The following TUSC3 variants were observed in gnomAD, a reference collection of about 807,000 sequenced individuals.
TUSC3 encodes tumor suppressor candidate 3.
A neutral mutation model predicts 44.8 loss-of-function variants in TUSC3; 45 were observed. The observed-to-expected ratio is 1.00, with a 90% CI of 0.79 to 1.29. The LOEUF is 1.29. TUSC3 is among the 50% of genes most tolerant of loss of function. TUSC3 has a pLI of 0.00. For missense variants in TUSC3, 519 were observed against 437.9 expected, an observed-to-expected ratio of 1.19 and a Z score of -1.65; for synonymous variants, 212 against 152.9, an observed-to-expected ratio of 1.39 and a Z score of -2.85.
At chr8:15,820,014 G>A in the TUSC3 span, among the ~76,000 whole-genome samples, 2 of 151,978 alleles carry the variant, frequency 1.3e-5, no homozygotes, top group African/African-American at 2.4e-5. Context: ...TTTCTTATAC[G>A]TACTTTATCA....
At chr8:15,636,114 G>A (rs532048913) in intron 2 of TUSC3, among the ~76,000 whole-genome samples, 1 of 152,196 alleles carries the variant, frequency 6.6e-6, no homozygotes, top group South Asian at 2.1e-4. Context: ...CTTGAGTTCT[G>A]CCCACTGAGC....
intron 1 of TUSC3, among the ~76,000 whole-genome samples, chr8:15,474,181 A>G (rs1045783877): frequency 6.6e-6 from 1 of 152,152 alleles, no homozygotes; most frequent in Admixed American, 6.5e-5. Flanking sequence ...CCGACCTCAC[A>G]GGCAGTCAGA....
chr8:15,770,101 T>A (rs969796932), downstream of TUSC3, among the ~76,000 whole-genome samples: 1 of 152,046 alleles, frequency 6.6e-6, no homozygotes, highest in African/African-American at 2.4e-5. Flanking sequence ...CTACTTTAGA[T>A]ACATGCACAT....
chr8:15,544,799 C>T (rs145106553), intron 1 of TUSC3, among the ~76,000 whole-genome samples: 4 of 151,804 alleles, frequency 2.6e-5, no homozygotes, highest in Non-Finnish European at 4.4e-5. Flanking sequence ...CGCATATATG[C>T]ACAGAATATA....
At chr8:15,562,610 T>C (rs547697397) in intron 1 of TUSC3, among the ~76,000 whole-genome samples, 1 of 152,142 alleles carries the variant, frequency 6.6e-6, no homozygotes, top group Non-Finnish European at 1.5e-5. Flanking sequence ...GGTTGCGTTC[T>C]TTTCTGAATC....
intron 1 of TUSC3, among the ~76,000 whole-genome samples, chr8:15,479,811 C>T (rs528945766): frequency 1.3e-5 from 2 of 152,216 alleles, no homozygotes; most frequent in South Asian, 4.1e-4. Flanking sequence ...GCCTATCATG[C>T]AAGAGAAAGA....
chr8:15,839,397 G>A, the TUSC3 span, among the ~76,000 whole-genome samples: 2 of 152,102 alleles, frequency 1.3e-5, no homozygotes. Flanking sequence ...ACACTATGTT[G>A]GATAGAAGTG....
intron 9 of TUSC3, among the ~76,000 whole-genome samples, chr8:15,753,667 G>A (rs1228329893): frequency 5.3e-5 from 8 of 151,670 alleles, no homozygotes; most frequent in African/African-American, 1.5e-4. Context: ...ATAAGCTTTC[G>A]TTTTCTTCTC....
intron 1 of TUSC3, among the ~76,000 whole-genome samples, chr8:15,478,406 A>C (rs567167331): frequency 6.6e-6 from 1 of 152,142 alleles, no homozygotes; most frequent in East Asian, 1.9e-4. Context: ...TGCATTAGCT[A>C]TTTATCCTGG....
chr8:15,780,399 C>G, the TUSC3 span, among the ~76,000 whole-genome samples: 1 of 152,108 alleles, frequency 6.6e-6, no homozygotes, highest in Non-Finnish European at 1.5e-5. Flanking sequence ...GCTCTTGATT[C>G]ATCAACTTGG....
chr8:15,724,458 C>T (rs1386324253), intron 6 of TUSC3, among the ~76,000 whole-genome samples: 1 of 152,062 alleles, frequency 6.6e-6, no homozygotes, highest in Non-Finnish European at 1.5e-5. Context: ...GAGATAGGTT[C>T]GTTTAAAAAC....
At chr8:15,746,832 T>C (rs918148329) in intron 8 of TUSC3, among the ~76,000 whole-genome samples, 5 of 152,076 alleles carry the variant, frequency 3.3e-5, no homozygotes, top group African/African-American at 9.7e-5. Context: ...TTGTAATTAA[T>C]TATAGGTTTT....
chr8:15,740,894 A>G (rs919052519), intron 7 of TUSC3, among the ~76,000 whole-genome samples: 1 of 152,212 alleles, frequency 6.6e-6, no homozygotes, highest in Non-Finnish European at 1.5e-5. Flanking sequence ...TCAGTAAGAT[A>G]AAGCAATAAA....
chr8:15,505,045 A>T (rs1401891415), intron 2 of TUSC3, among the ~76,000 whole-genome samples: 1 of 152,174 alleles, frequency 6.6e-6, no homozygotes, highest in African/African-American at 2.4e-5. Flanking sequence ...TAATAAAAAT[A>T]TTGCTGCCAA....
intron 1 of TUSC3, among the ~76,000 whole-genome samples, chr8:15,596,194 G>C (rs2129152610): frequency 6.6e-6 from 1 of 152,244 alleles, no homozygotes; most frequent in Admixed American, 6.5e-5. Context: ...CTATAATAAT[G>C]ATATGACGTT....
intron 6 of TUSC3, among the ~76,000 whole-genome samples, chr8:15,700,955 G>C (rs937019485): frequency 6.8e-6 from 1 of 147,308 alleles, no homozygotes; most frequent in African/African-American, 2.5e-5. Context: ...GTGTTAGTCC[G>C]GAGGTCCCTA....
chr8:15,582,057 C>T (rs565910350), intron 1 of TUSC3, among the ~76,000 whole-genome samples: 1 of 152,056 alleles, frequency 6.6e-6, no homozygotes, highest in African/African-American at 2.4e-5. Context: ...ATTCGGGTGG[C>T]AGTGACCCGA....
chr8:15,678,073 G>C (rs548411656), intron 6 of TUSC3, among the ~76,000 whole-genome samples: 1 of 152,196 alleles, frequency 6.6e-6, no homozygotes, highest in African/African-American at 2.4e-5. Context: ...TCAGTATTGT[G>C]AGCCACTGAA....
Position 15,653,457 on chromosome 8 carries a change from G to A in TUSC3, c.426+2643G>A, listed in dbSNP as rs546971799. ...TGGTATATAATCATATAAATAAATGGTTACATATAATCATTAAATTCTTTT... is the reference window on the plus strand; with the variant it reads ...TGGTATATAATCATATAAATAAATGATTACATATAATCATTAAATTCTTTT... On this transcript the variant is annotated intron_variant, in intron 3 of 10. Coordinates refer to ENST00000503731, the MANE Select transcript of TUSC3 (RefSeq NM_006765.4). Among the ~76,000 whole-genome samples the A allele has an allele frequency of 4.6e-5, 7 of 152,130 alleles. No individual in the cohort carries two copies. In the East Asian group the frequency reaches 1.4e-3, roughly 29 times the overall value.
Sources: gnomAD v4.1 joint callset for allele counts (sites outside exome capture counted in the v4.1 genomes callset) on GRCh38, gnomAD v4.1.1 for gene constraint, MANE v1.5 for transcripts, NCBI Gene and HGNC (gene_info 2026-07-23, HGNC 2026-07-21) for gene names.